The following ADARB2 variants were observed in gnomAD, a reference collection of about 807,000 sequenced individuals.
ADARB2 encodes the protein adenosine deaminase RNA specific B2 (inactive).
ADARB2 carries 25 observed loss-of-function variants against 62.2 expected under a neutral mutation model. The ratio of observed to expected loss-of-function variants is 0.40; its 90% confidence interval spans 0.29 to 0.56. The LOEUF is 0.56. Among genes scored for constraint, ADARB2 ranks in the 20% least tolerant of loss-of-function variants. The pLI, the probability that ADARB2 is intolerant of heterozygous loss-of-function variation, is 0.43. For missense variants in ADARB2, 1,071 were observed against 1,077.4 expected (o/e 0.99, Z 0.08); for synonymous variants, 572 against 500.8 (o/e 1.14, Z -1.90).
At chr10:1,627,049 C>T (rs1480090648) in intron 1 of ADARB2, among the ~76,000 whole-genome samples, 2 of 152,076 alleles carry the variant, frequency 1.3e-5, no homozygotes, top group Non-Finnish European at 2.9e-5. Flanking sequence ...CCGCTTTCTG[C>T]CCACCCTGGC....
chr10:1,581,587 G>C (rs1034278119), intron 1 of ADARB2, among the ~76,000 whole-genome samples: 7 of 152,216 alleles, frequency 4.6e-5, no homozygotes, highest in African/African-American at 1.7e-4. Flanking sequence ...GGTAGGTCTA[G>C]AGTATCTGAT....
chr10:1,377,446 G>A (rs1189222881), intron 2 of ADARB2, among the ~76,000 whole-genome samples: 1 of 131,182 alleles, frequency 7.6e-6, no homozygotes, highest in African/African-American at 3.0e-5. Context: ...CTCCTGGGGT[G>A]TGCATATGTG....
intron 3 of ADARB2, among the ~76,000 whole-genome samples, chr10:1,347,931 CAGAGATAGAG>C (rs1470626629): frequency 6.6e-6 from 1 of 150,868 alleles, no homozygotes; most frequent in Non-Finnish European, 1.5e-5. Context: ...GACACAGAGA[CAGAGATAGAG>C]AGAGATAGGG....
chr10:1,670,682 C>T (rs987160023), intron 1 of ADARB2, among the ~76,000 whole-genome samples: 2 of 152,248 alleles, frequency 1.3e-5, no homozygotes, highest in Non-Finnish European at 1.5e-5. Flanking sequence ...TACTGTCGCT[C>T]AGGGCCTCGA....
intron 3 of ADARB2, among the ~76,000 whole-genome samples, chr10:1,275,651 TC>T (rs1218908113): frequency 3.9e-5 from 3 of 76,286 alleles, no homozygotes; most frequent in African/African-American, 5.3e-5. Flanking sequence ...ATGCTATCCC[TC>T]CCCCCTCCCC....
intron 1 of ADARB2, among the ~76,000 whole-genome samples, chr10:1,565,652 C>T (rs1832851154): frequency 6.6e-6 from 1 of 152,182 alleles, no homozygotes. Flanking sequence ...GAATAATTTA[C>T]CTTACTCTGT....
chr10:1,209,111 A>G (rs1415122804), intron 7 of ADARB2, among the ~76,000 whole-genome samples: 1 of 151,154 alleles, frequency 6.6e-6, no homozygotes, highest in East Asian at 2.0e-4. Context: ...TTAGGTGTGC[A>G]TTGTGGGAGA....
intron 1 of ADARB2, among the ~76,000 whole-genome samples, chr10:1,490,756 G>A (rs546444437): frequency 1.3e-5 from 2 of 152,288 alleles, no homozygotes; most frequent in African/African-American, 4.8e-5. Context: ...CAGCCAGCCT[G>A]CTATTGTTTT....
intron 1 of ADARB2, among the ~76,000 whole-genome samples, chr10:1,697,952 AATGGATAGTTT>A: frequency 6.6e-6 from 1 of 152,206 alleles, no homozygotes; most frequent in South Asian, 2.1e-4. Flanking sequence ...AGCGGTTGGG[AATGGATAGTTT>A]CTTATGCAGT....
At chr10:1,687,916 C>T (rs943139064) in intron 1 of ADARB2, among the ~76,000 whole-genome samples, 14 of 152,288 alleles carry the variant, frequency 9.2e-5, no homozygotes, top group Admixed American at 1.3e-4. Flanking sequence ...CAGTTCTAAA[C>T]GGAGCAGTTG....
At chr10:1,261,935 A>C (rs1831141326) in intron 4 of ADARB2, among the ~76,000 whole-genome samples, 1 of 148,556 alleles carries the variant, frequency 6.7e-6, no homozygotes, top group Non-Finnish European at 1.5e-5. Context: ...AATGTGGCAC[A>C]TATACACCAT....
At chr10:1,249,982 G>T (rs930234069) in intron 4 of ADARB2, among the ~76,000 whole-genome samples, 3 of 150,862 alleles carry the variant, frequency 2.0e-5, no homozygotes, top group African/African-American at 7.3e-5. Context: ...GGCAGCAAAC[G>T]AGATAATAGG....
At chr10:1,420,180 ATATT>A (rs1010443076) in intron 1 of ADARB2, among the ~76,000 whole-genome samples, 5 of 152,242 alleles carry the variant, frequency 3.3e-5, no homozygotes. Context: ...CTAGCAGGAA[ATATT>A]TAAAGTTCTA....
At chr10:1,293,233 GGA>G (rs1831491747) in intron 3 of ADARB2, among the ~76,000 whole-genome samples, 2 of 129,040 alleles carry the variant, frequency 1.5e-5, no homozygotes, top group African/African-American at 3.0e-5. Flanking sequence ...GGACGGGGAG[GGA>G]GAGAGGGACG....
rs1831450020 is a variant in ADARB2 at position 1,480,281 on chromosome 10, A to G, written c.101-101121T>C. 3.9e-5 allele frequency among the ~76,000 whole-genome samples: 6 copies of G among 152,396 alleles called. 1 individual carries two copies. In the South Asian group the frequency reaches 1.2e-3, roughly 32 times the overall value. On this transcript the variant is annotated intron_variant, in intron 1 of 9. Coordinates refer to ENST00000381312, the MANE Select transcript of ADARB2 (RefSeq NM_018702.4). Reference sequence around the variant, plus strand: ...TTGCAGGTGACCTGATATCATATGTAGAAAAACTAAAAGCATTGTTAGAAC... The same window carrying G: ...TTGCAGGTGACCTGATATCATATGTGGAAAAACTAAAAGCATTGTTAGAAC...
chr10:1,480,559 G>A (rs980827760), intron 1 of ADARB2, among the ~76,000 whole-genome samples: 21 of 152,124 alleles, frequency 1.4e-4, no homozygotes, highest in African/African-American at 4.3e-4. Context: ...TTAGCTGGCC[G>A]TGGTGGCTGG....
chr10:1,635,652 C>G (rs1833909956), intron 1 of ADARB2, among the ~76,000 whole-genome samples: 1 of 152,190 alleles, frequency 6.6e-6, no homozygotes, highest in African/African-American at 2.4e-5. Context: ...GTCTTCATCT[C>G]CCTTCCCTCC....
At chr10:1,559,890 T>G (rs1832764277) in intron 1 of ADARB2, among the ~76,000 whole-genome samples, 1 of 152,214 alleles carries the variant, frequency 6.6e-6, no homozygotes, top group South Asian at 2.1e-4. Flanking sequence ...ATGGGCGGCT[T>G]CTCAGAAGCG....
intron 1 of ADARB2, among the ~76,000 whole-genome samples, chr10:1,403,323 T>C (rs186840929): frequency 3.3e-5 from 5 of 152,290 alleles, no homozygotes; most frequent in Non-Finnish European, 5.9e-5. Flanking sequence ...CCCCCATGTG[T>C]AAAGGGGCAA....
Sources: allele counts gnomAD v4.1 joint callset (sites outside exome capture counted in the v4.1 genomes callset), GRCh38; gene constraint gnomAD v4.1.1; transcripts MANE v1.5; gene names NCBI Gene and HGNC (gene_info 2026-07-23, HGNC 2026-07-21).